The following XRCC4 variants were observed in gnomAD, a reference collection of about 807,000 sequenced individuals.
XRCC4 encodes DNA repair protein XRCC4.
XRCC4 carries 28 observed loss-of-function variants against 39.1 expected under a neutral mutation model. That is an observed-to-expected ratio of 0.72 (90% CI 0.53 to 0.98). The LOEUF (loss-of-function observed/expected upper bound fraction) is 0.98. Among genes scored for constraint, XRCC4 ranks in the 50% least tolerant of loss-of-function variants. The pLI is 0.00. For synonymous variants in XRCC4, 123 were observed against 126.4 expected (o/e 0.97, Z 0.18); for missense variants, 350 against 376.4 (o/e 0.93, Z 0.58).
At chr5:83,283,705 T>G (rs2112959999) in intron 7 of XRCC4, among the ~76,000 whole-genome samples, 2 of 152,296 alleles carry the variant, frequency 1.3e-5, no homozygotes, top group African/African-American at 4.8e-5. Flanking sequence ...AAGGAAGACA[T>G]TAGAACATGT....
intron 6 of XRCC4, among the ~76,000 whole-genome samples, chr5:83,243,386 C>T (rs1752985978): frequency 6.6e-6 from 1 of 152,168 alleles, no homozygotes; most frequent in Non-Finnish European, 1.5e-5. Flanking sequence ...TTTGGTTTCT[C>T]CTGAGACCTC....
chr5:83,124,014 TAAC>T (rs1188822013), intron 3 of XRCC4, among the ~76,000 whole-genome samples: 15 of 152,188 alleles, frequency 9.9e-5, no homozygotes, highest in Non-Finnish European at 1.9e-4. Flanking sequence ...TTCCCGATGA[TAAC>T]AATATATAAC....
chr5:83,310,296 T>C (rs1755660271), intron 7 of XRCC4, among the ~76,000 whole-genome samples: 1 of 152,072 alleles, frequency 6.6e-6, no homozygotes, highest in African/African-American at 2.4e-5. Context: ...TGAGCCAAAG[T>C]AGGGAGGCTG....
At chr5:83,133,963 C>T (rs547195744) in intron 3 of XRCC4, among the ~76,000 whole-genome samples, 6 of 152,220 alleles carry the variant, frequency 3.9e-5, no homozygotes, top group Admixed American at 1.3e-4. Flanking sequence ...GAGGCGCTGG[C>T]GGGAGTTGGG....
At chr5:83,144,301 G>GTGTGTGTGTGTGTGTGTT (rs1554058234) in intron 3 of XRCC4, among the ~76,000 whole-genome samples, 1 of 148,480 alleles carries the variant, frequency 6.7e-6, no homozygotes, top group Non-Finnish European at 1.5e-5. Flanking sequence ...GTGTGTGTGT[G>GTGTGTGTGTGTGTGTGTT]TGTGTAAAAT....
At chr5:83,148,246 C>T (rs1216481832) in intron 3 of XRCC4, among the ~76,000 whole-genome samples, 3 of 152,130 alleles carry the variant, frequency 2.0e-5, no homozygotes, top group African/African-American at 7.2e-5. Context: ...ATCTGATACA[C>T]AGTAGGTGCT....
intron 7 of XRCC4, among the ~76,000 whole-genome samples, chr5:83,301,462 T>C (rs570883673): frequency 6.6e-6 from 1 of 152,230 alleles, no homozygotes; most frequent in Non-Finnish European, 1.5e-5. Flanking sequence ...TCCTTGTAGA[T>C]TCTGGATATC....
chr5:83,263,258 G>C (rs1753828356), intron 7 of XRCC4, among the ~76,000 whole-genome samples: 1 of 151,694 alleles, frequency 6.6e-6, no homozygotes, highest in Admixed American at 6.6e-5. Flanking sequence ...TGGACATTTG[G>C]GTTGGTTCCA....
chr5:83,103,211 G>T (rs1746036302), intron 1 of XRCC4, among the ~76,000 whole-genome samples: 1 of 151,708 alleles, frequency 6.6e-6, no homozygotes, highest in African/African-American at 2.4e-5. Context: ...GGAAGGGCAA[G>T]ATTAGGTTTT....
chr5:83,145,237 T>C (rs1382372), intron 3 of XRCC4, among the ~76,000 whole-genome samples: 73,633 of 152,018 alleles, frequency 0.48, 18,800 homozygotes, highest in African/African-American at 0.63. Context: ...TAATAGCTAA[T>C]TAAAAATCCT....
intron 7 of XRCC4, among the ~76,000 whole-genome samples, chr5:83,270,935 G>A (rs965588835): frequency 6.6e-6 from 1 of 151,730 alleles, no homozygotes; most frequent in African/African-American, 2.4e-5. Context: ...ATAGGCGCCC[G>A]CCACCATGCC....
intron 7 of XRCC4, among the ~76,000 whole-genome samples, chr5:83,291,964 T>TGC (rs1426614107): frequency 6.7e-6 from 1 of 149,212 alleles, no homozygotes; most frequent in Non-Finnish European, 1.5e-5. Flanking sequence ...TGTGTGTGTG[T>TGC]GTGTGTGTGT....
At chr5:83,286,935 C>T (rs139595394) in intron 7 of XRCC4, among the ~76,000 whole-genome samples, 7 of 152,108 alleles carry the variant, frequency 4.6e-5, no homozygotes, top group East Asian at 3.9e-4. Context: ...GTAGAGTTGA[C>T]GGTATCTGGT....
At chr5:83,202,667 AAAC>A (rs1342805618) in intron 4 of XRCC4, among the ~76,000 whole-genome samples, 6 of 152,098 alleles carry the variant, frequency 3.9e-5, no homozygotes, top group African/African-American at 1.2e-4. Context: ...GATACCTGTA[AAAC>A]AACAACAATG....
At chr5:83,201,292 A>G (rs1751184303) in intron 4 of XRCC4, 1 of 152,282 alleles carries the variant, frequency 6.6e-6, no homozygotes, top group African/African-American at 2.4e-5. Flanking sequence ...GCAGTGGCCT[A>G]TAGCAATATG....
At chr5:83,111,247 C>A in intron 3 of XRCC4, 44 bp downstream of exon 3, 1 of 1,451,958 alleles carries the variant, frequency 6.9e-7, no homozygotes. Flanking sequence ...AATGTCAGAG[C>A]ATTTATTGAG....
At chr5:83,344,720 T>C (rs955234775) in intron 7 of XRCC4, among the ~76,000 whole-genome samples, 4 of 152,222 alleles carry the variant, frequency 2.6e-5, no homozygotes, top group African/African-American at 9.6e-5. Flanking sequence ...TATGATTGTG[T>C]ACCTATCTCC....
chr5:83,123,163 C>G (rs1204656492), intron 3 of XRCC4, among the ~76,000 whole-genome samples: 3 of 152,042 alleles, frequency 2.0e-5, no homozygotes, highest in Non-Finnish European at 4.4e-5. Context: ...CTATATTTGT[C>G]TTACTTCTCC....
intron 3 of XRCC4, among the ~76,000 whole-genome samples, chr5:83,131,937 T>A (rs1004108288): frequency 1.3e-5 from 2 of 152,126 alleles, no homozygotes; most frequent in Non-Finnish European, 2.9e-5. Flanking sequence ...CGTTAGCTGG[T>A]TATTTTGCTC....
Sources: gnomAD v4.1 joint callset for allele counts (sites outside exome capture counted in the v4.1 genomes callset) on GRCh38, gnomAD v4.1.1 for gene constraint, MANE v1.5 for transcripts, NCBI Gene and HGNC (gene_info 2026-07-23, HGNC 2026-07-21) for gene names.